UNC79: variants seen among roughly 807,000 people sequenced by gnomAD.
UNC79 encodes unc-79 subunit of NALCN channel complex, also known as protein unc-79 homolog.
A neutral mutation model predicts 283.1 loss-of-function variants in UNC79; 37 were observed. The observed-to-expected ratio is 0.13, with a 90% CI of 0.10 to 0.17. UNC79 has a LOEUF of 0.17. Among genes scored for constraint, UNC79 ranks in the 10% least tolerant of loss-of-function variants. UNC79 has a pLI of 1.00. For synonymous variants in UNC79, 1,107 were observed against 1,200.2 expected (o/e 0.92, Z 1.61); for missense variants, 2,272 against 3,211.1 (o/e 0.71, Z 7.07).
chr14:93,337,236 A>G (rs77458550), intron 1 of UNC79, among the ~76,000 whole-genome samples: 11,211 of 152,248 alleles, frequency 0.074, 876 homozygotes, highest in African/African-American at 0.19. Flanking sequence ...GACCCAGCCT[A>G]ACTCACAGAC....
chr14:93,436,870 C>G (rs960899463), intron 1 of UNC79, among the ~76,000 whole-genome samples: 7 of 151,922 alleles, frequency 4.6e-5, no homozygotes, highest in Admixed American at 2.6e-4. Flanking sequence ...TTTTTCTCTC[C>G]TTCTGGACTT....
At chr14:93,333,934 A>G (rs892752406) in intron 1 of UNC79, among the ~76,000 whole-genome samples, 1 of 152,094 alleles carries the variant, frequency 6.6e-6, no homozygotes, top group African/African-American at 2.4e-5. Context: ...TTCTGAACCC[A>G]GTGAGGAGGC....
intron 1 of UNC79, among the ~76,000 whole-genome samples, chr14:93,421,776 T>TAAAA (rs35643188): frequency 2.1e-5 from 3 of 144,562 alleles, no homozygotes; most frequent in Admixed American, 6.9e-5. Flanking sequence ...GGAGATAGCT[T>TAAAA]AAAAAAAAAA....
At chr14:93,655,245 C>T in exon 38 of UNC79, 4 of 1,613,828 alleles carry the variant, frequency 2.5e-6, no homozygotes, top group Admixed American at 1.7e-5. Flanking sequence ...GTCTAAATAA[C>T]AAAAAGAATT....
rs77977488 is a variant in UNC79 at position 93,551,961 on chromosome 14, G to A, written c.1755+9265G>A. Among the ~76,000 whole-genome samples the A allele has an allele frequency of 8.3e-3, 1,258 of 152,320 alleles. 15 individuals carry two copies. The highest frequency in any genetic ancestry group is 0.029 in the African/African-American group (1,202 of 41,568). On this transcript the variant is annotated intron_variant, in intron 14 of 48. Transcript: ENST00000555664. ...ACTGACTGTTCTAGAGACCTGTAGG[G>A]ACTAGAATCCTTCTGGGATGGTATG...
At chr14:93,606,254 A>G (rs964574655) in intron 26 of UNC79, among the ~76,000 whole-genome samples, 4 of 152,234 alleles carry the variant, frequency 2.6e-5, no homozygotes, top group Admixed American at 2.0e-4. Context: ...GCCTTCAGGC[A>G]TCTAATTATT....
At chr14:93,497,763 A>G (rs989643136) in intron 7 of UNC79, among the ~76,000 whole-genome samples, 5 of 151,954 alleles carry the variant, frequency 3.3e-5, no homozygotes, top group Non-Finnish European at 7.4e-5. Context: ...CAAGGCGGGC[A>G]GATCACAAGG....
At chr14:93,657,136 G>A (rs185935452) in intron 38 of UNC79, among the ~76,000 whole-genome samples, 7 of 152,222 alleles carry the variant, frequency 4.6e-5, no homozygotes, top group South Asian at 4.1e-4. Flanking sequence ...TATGATCCTC[G>A]TTTGCCCACA....
intron 1 of UNC79, among the ~76,000 whole-genome samples, chr14:93,439,860 C>T (rs958995350): frequency 2.0e-5 from 3 of 151,998 alleles, no homozygotes; most frequent in African/African-American, 7.3e-5. Flanking sequence ...TGCATTTCAT[C>T]TAAGTTTTCA....
intron 1 of UNC79, among the ~76,000 whole-genome samples, chr14:93,438,772 G>A (rs535243503): frequency 1.3e-5 from 2 of 150,116 alleles, no homozygotes; most frequent in Non-Finnish European, 3.0e-5. Context: ...TAGTATTTTT[G>A]TGAGTATCAT....
chr14:93,348,040 G>A, intron 1 of UNC79: 2 of 1,608,992 alleles, frequency 1.2e-6, no homozygotes, highest in South Asian at 2.2e-5. Flanking sequence ...AATGGCTGTT[G>A]GACTTGTGGT....
chr14:93,489,814 C>T (rs188672413), intron 5 of UNC79, among the ~76,000 whole-genome samples: 1 of 152,302 alleles, frequency 6.6e-6, no homozygotes, highest in East Asian at 1.9e-4. Context: ...CTGGGCATTG[C>T]CCTGGTGGGG....
intron 14 of UNC79, among the ~76,000 whole-genome samples, chr14:93,563,566 C>T (rs11160131): frequency 2.0e-5 from 3 of 152,312 alleles, no homozygotes; most frequent in South Asian, 2.1e-4. Context: ...GGTAGTGCAG[C>T]GGGGGCAGAG....
chr14:93,506,973 C>T (rs1354181851), intron 7 of UNC79, among the ~76,000 whole-genome samples: 1 of 152,214 alleles, frequency 6.6e-6, no homozygotes, highest in Non-Finnish European at 1.5e-5. Context: ...ATATATTCAT[C>T]TAATTCAGGT....
At chr14:93,469,431 G>T (rs764198584) in intron 2 of UNC79, among the ~76,000 whole-genome samples, 12 of 152,032 alleles carry the variant, frequency 7.9e-5, no homozygotes, top group Non-Finnish European at 1.5e-4. Flanking sequence ...CAGAACTGTT[G>T]ATATGTACAT....
chr14:93,377,584 A>G (rs1027939660), intron 1 of UNC79, among the ~76,000 whole-genome samples: 1 of 152,172 alleles, frequency 6.6e-6, no homozygotes, highest in Non-Finnish European at 1.5e-5. Flanking sequence ...TAAAGGGGAG[A>G]ATGAACTATA....
At chr14:93,599,353 AGT>A (rs56758207) in intron 24 of UNC79, among the ~76,000 whole-genome samples, 101,332 of 147,896 alleles carry the variant, frequency 0.69, 35,112 homozygotes, top group Non-Finnish European at 0.77. Flanking sequence ...CACATACTTA[AGT>A]GTGTGTGTGT....
At chr14:93,431,153 G>A in intron 1 of UNC79, 102 bp downstream of exon 1, 2 of 605,560 alleles carry the variant, frequency 3.3e-6, no homozygotes, top group Non-Finnish European at 6.1e-6. Context: ...GTGCTGGTGC[G>A]GGGGTGGGGG....
intron 1 of UNC79, among the ~76,000 whole-genome samples, chr14:93,338,589 C>A (rs185689400): frequency 4.5e-4 from 68 of 152,168 alleles, no homozygotes; most frequent in Non-Finnish European, 6.3e-4. Context: ...TTAGTAAGAA[C>A]AAGACAACCA....
Sources: allele counts gnomAD v4.1 joint callset (sites outside exome capture counted in the v4.1 genomes callset), GRCh38; gene constraint gnomAD v4.1.1; transcripts MANE v1.5; gene names NCBI Gene and HGNC (gene_info 2026-07-23, HGNC 2026-07-21).